Variants in ASRGL1 observed in about 807,000 individuals in gnomAD.
The protein encoded by ASRGL1 is isoaspartyl peptidase/L-asparaginase.
In ASRGL1, 16 loss-of-function variants were observed where a neutral mutation model predicts 22.4. The ratio of observed to expected loss-of-function variants is 0.71; its 90% CI spans 0.48 to 1.08. The LOEUF (loss-of-function observed/expected upper bound fraction) is 1.08. Among genes scored for constraint, ASRGL1 ranks in the 50% least tolerant of loss-of-function variants. The probability of loss-of-function intolerance (pLI) is 0.00; values close to 1 mark genes in which losing one functional copy is unlikely to be tolerated. For synonymous variants in ASRGL1, 165 were observed against 159.3 expected, an observed-to-expected ratio of 1.04 and a Z score of -0.27; for missense variants, 412 against 410.1, an observed-to-expected ratio of 1.00 and a Z score of -0.04.
chr11:62,400,620 G>A, the ASRGL1 span, among the ~76,000 whole-genome samples: 7 of 152,286 alleles, frequency 4.6e-5, no homozygotes, highest in African/African-American at 1.7e-4. Context: ...TATGAAACAC[G>A]TTTGCATCTA....
chr11:62,398,962 A>T, the ASRGL1 span, among the ~76,000 whole-genome samples: 12 of 152,216 alleles, frequency 7.9e-5, no homozygotes, highest in African/African-American at 2.4e-4. Context: ...TGAGGTTAGG[A>T]GTTGAAGACC....
At chr11:62,342,347 A>C (rs1354591388) in intron 2 of ASRGL1, among the ~76,000 whole-genome samples, 1 of 152,236 alleles carries the variant, frequency 6.6e-6, no homozygotes, top group Non-Finnish European at 1.5e-5. Flanking sequence ...CTAAGAACGT[A>C]AAGTACAGTG....
In ASRGL1 at chr11:62,392,132, G is replaced by T. The variant is rs1184623142; in HGVS notation, c.775G>T (p.Val259Phe). ...DLSLGYMKSR[V>F]KGLGGLIVVS... ...ATCGTTGGGTTATATGAAGTCAAGG[G>T]TTAAAGGTTTAGGTGGCCTCATCGT... Residue 259 changes from valine (V) to phenylalanine (F), a missense_variant, in exon 7 of 7, where the codon GTT becomes TTT. Transcript: ENST00000415229. The T allele has an allele frequency of 6.2e-7, 1 of 1,614,220 alleles. No individual in the cohort carries two copies. Among genetic ancestry groups the T allele is most frequent in the Admixed American group, 1.7e-5 (1 of 60,014 alleles).
At chr11:62,377,491 T>C (rs1946960067) in intron 4 of ASRGL1, among the ~76,000 whole-genome samples, 1 of 152,198 alleles carries the variant, frequency 6.6e-6, no homozygotes, top group Admixed American at 6.5e-5. Context: ...GATTACTTGC[T>C]CTTTTGGCCC....
At chr11:62,389,781 G>T (rs987346405) in intron 5 of ASRGL1, 2 of 226,456 alleles carry the variant, frequency 8.8e-6, no homozygotes, top group Non-Finnish European at 1.8e-5. Context: ...CAGGGCTGGG[G>T]GGCTGTATGT....
chr11:62,356,223 C>T lies in ASRGL1; in HGVS notation c.191-102C>T, dbSNP rs766256630. 172 of 1,425,974 alleles carry T rather than the reference C, an allele frequency of 1.2e-4. 1 individual carries two copies. Among genetic ancestry groups the T allele is most frequent in the South Asian group, 9.0e-5 (7 of 78,104 alleles). The allele number at this position is 1,425,974 out of a possible 1,614,324, so 88.3% of individuals were successfully genotyped here. The stretch of plus-strand genomic sequence containing the variant: ...CCGGGCAGAGGCGCCCCTCACCTCC[C>T]GGATGGGGCGGCTGGCCGGGCGGGG... On this transcript the variant is annotated intron_variant, in intron 2 of 6. Coordinates refer to ENST00000415229, the MANE Select transcript of ASRGL1 (RefSeq NM_001083926.2).
intron 4 of ASRGL1, among the ~76,000 whole-genome samples, chr11:62,379,871 C>T (rs943218919): frequency 2.0e-5 from 3 of 152,126 alleles, no homozygotes; most frequent in Non-Finnish European, 4.4e-5. Context: ...GGCCCCTTTG[C>T]TGTTTCCTGA....
chr11:62,363,107 G>A (rs1370709973), intron 4 of ASRGL1, among the ~76,000 whole-genome samples: 1 of 150,168 alleles, frequency 6.7e-6, no homozygotes, highest in African/African-American at 2.5e-5. Context: ...CTAATTTTTT[G>A]TATTTTTAGT....
At chr11:62,363,628 A>G (rs1013104024) in intron 4 of ASRGL1, among the ~76,000 whole-genome samples, 3 of 152,246 alleles carry the variant, frequency 2.0e-5, no homozygotes, top group African/African-American at 7.2e-5. Context: ...GCACTCTGCA[A>G]TCACAATTTA....
intron 4 of ASRGL1, 61 bp downstream of exon 4, chr11:62,357,205 T>TA: frequency 6.6e-7 from 1 of 1,517,648 alleles, no homozygotes; most frequent in Non-Finnish European, 9.0e-7. Context: ...GTTTGGCAAA[T>TA]ACCTGGTTAT....
chr11:62,377,619 G>A (rs762049327), intron 4 of ASRGL1, among the ~76,000 whole-genome samples: 8 of 152,100 alleles, frequency 5.3e-5, no homozygotes, highest in Non-Finnish European at 1.2e-4. Flanking sequence ...AGAACTGGAC[G>A]ATTTTTGTTT....
chr11:62,378,970 C>T (rs1330999457), intron 4 of ASRGL1, among the ~76,000 whole-genome samples: 1 of 151,940 alleles, frequency 6.6e-6, no homozygotes, highest in East Asian at 1.9e-4. Context: ...TTTCCTAGTC[C>T]CTTTCCTGGT....
rs1050926204 is a variant in ASRGL1, at chr11:62,355,644, G to T, written c.191-681G>T. 5.4e-3 allele frequency among the ~76,000 whole-genome samples: 632 copies of T among 116,988 alleles called. 9 individuals are homozygous for T. Among genetic ancestry groups the T allele is most frequent in the African/African-American group, 0.019 (596 of 31,032 alleles). The allele number at this position is 116,988 out of a possible 152,430, so 76.7% of individuals were successfully genotyped here. On this transcript the variant is annotated intron_variant, in intron 2 of 6. Coordinates refer to ENST00000415229, the MANE Select transcript of ASRGL1 (RefSeq NM_001083926.2). ...ATTCTTTTTTTTTTTTTTTTTCATT[G>T]ATCATTCTTGGGTGTTTCTCGCAGA... is the stretch of plus-strand genomic sequence containing the variant.
intron 6 of ASRGL1, 73 bp downstream of exon 6, chr11:62,391,705 A>C: frequency 6.7e-7 from 1 of 1,486,342 alleles, no homozygotes; most frequent in Non-Finnish European, 9.0e-7. Flanking sequence ...AAGTAAGCGC[A>C]TGGAGAAGTG....
Position 62,373,463 on chromosome 11 carries a change from T to G in ASRGL1, c.492-15670T>G, listed in dbSNP as rs756720636. On this transcript the variant is annotated intron_variant, in intron 4 of 6. Transcript: ENST00000415229. ...GCAGAAACTTTGAGCAATCTAGGTG[T>G]TTTTTTTTTCTTTCTTCCTCTCCTG... Among the ~76,000 whole-genome samples the G allele has an allele frequency of 3.3e-4, 48 of 146,802 alleles. 1 individual carries two copies. Among genetic ancestry groups the G allele is most frequent in the Non-Finnish European group, 6.1e-4 (41 of 67,156 alleles).
At chr11:62,394,057 A>G (rs1947398299), downstream of ASRGL1, among the ~76,000 whole-genome samples, 1 of 143,694 alleles carries the variant, frequency 7.0e-6, no homozygotes, top group African/African-American at 2.5e-5. Flanking sequence ...AATATATCTA[A>G]TATGGTATAT....
rs11821315 is a variant in ASRGL1 at position 62,353,526 on chromosome 11, T to G, written c.191-2799T>G. ...GCCCAGCTAATTTTTTTTTAAGAGATGGGGTCTTGCTGTGTTGTCCAGGTT... is the reference window on the plus strand; with the variant it reads ...GCCCAGCTAATTTTTTTTTAAGAGAGGGGGTCTTGCTGTGTTGTCCAGGTT... On this transcript the variant is annotated intron_variant, in intron 2 of 6. Coordinates refer to ENST00000415229, the MANE Select transcript of ASRGL1 (RefSeq NM_001083926.2). Among the ~76,000 whole-genome samples the G allele has an allele frequency of 5.1e-3, 776 of 151,758 alleles. 2 individuals are homozygous for G. The highest frequency in any genetic ancestry group is 0.015 in the African/African-American group (615 of 41,376).
At chr11:62,401,112 G>T in the ASRGL1 span, among the ~76,000 whole-genome samples, 1 of 152,374 alleles carries the variant, frequency 6.6e-6, no homozygotes, top group Admixed American at 6.5e-5. Flanking sequence ...TCAGAACAAG[G>T]AGTGCCCAAG....
intron 4 of ASRGL1, among the ~76,000 whole-genome samples, chr11:62,368,199 C>T (rs546706697): frequency 6.6e-6 from 1 of 152,288 alleles, no homozygotes; most frequent in Admixed American, 6.5e-5. Context: ...TAATCTCTTA[C>T]TGTGCCTAAT....
Sources: gnomAD v4.1 joint callset for allele counts (sites outside exome capture counted in the v4.1 genomes callset) on GRCh38, gnomAD v4.1.1 for gene constraint, MANE v1.5 for transcripts, NCBI Gene and HGNC (gene_info 2026-07-23, HGNC 2026-07-21) for gene names.